STRIP2: variants seen among roughly 807,000 people sequenced by gnomAD.
The protein encoded by STRIP2 is striatin interacting protein 2, also known as striatin-interacting protein 2.
STRIP2 carries 84 observed loss-of-function variants against 107.1 expected under a neutral mutation model. The ratio of observed to expected loss-of-function variants is 0.78; its 90% CI spans 0.66 to 0.94. The LOEUF is 0.94. Ranked by LOEUF, STRIP2 falls within the 40% of genes least tolerant of loss-of-function variation. STRIP2 has a pLI of 0.00. For missense variants in STRIP2, 888 were observed against 1,034.2 expected (o/e 0.86, Z 1.94); for synonymous variants, 394 against 400.4 (o/e 0.98, Z 0.19).
At chr7:129,475,481 C>A (rs1798892647) in intron 18 of STRIP2, among the ~76,000 whole-genome samples, 1 of 147,500 alleles carries the variant, frequency 6.8e-6, no homozygotes, top group South Asian at 2.1e-4. Flanking sequence ...AGGCAGAGGA[C>A]CCTGGGGCCT....
chr7:129,437,544 G>T (rs1021786013), intron 1 of STRIP2, among the ~76,000 whole-genome samples: 2 of 152,042 alleles, frequency 1.3e-5, no homozygotes, highest in Non-Finnish European at 2.9e-5. Flanking sequence ...GTGTGTGTGT[G>T]TGCTGGGACG....
In STRIP2 at chr7:129,451,985, T is replaced by C. The variant is rs560718736; in HGVS notation, c.409+238T>C. 3.3e-4 allele frequency among the ~76,000 whole-genome samples: 51 copies of C among 152,280 alleles called. No homozygotes were observed. The South Asian group carries it at 9.1e-3, about 27-fold the overall frequency. ...TTACCAGGTATGTCAGAATTTTTTATAGGGTTCTTCTTTTCCCTACCCTGT... is the reference window on the plus strand; with the variant it reads ...TTACCAGGTATGTCAGAATTTTTTACAGGGTTCTTCTTTTCCCTACCCTGT... On this transcript the variant is annotated intron_variant, in intron 4 of 20. Coordinates refer to ENST00000249344, the MANE Select transcript of STRIP2 (RefSeq NM_020704.3).
rs1799233992 is a variant in STRIP2, at chr7:129,485,828, G to T, written c.2504G>T (p.Ter835LeuextTer16). Reference sequence around the variant, plus strand: ...TGGGAGGAGCTGCTCCAGAATCACTGACTAAGTTCTTGTCAACAAGCATCA... The same window carrying T: ...TGGGAGGAGCTGCTCCAGAATCACTTACTAAGTTCTTGTCAACAAGCATCA... ...ICWEELLQNH[*>L] The change falls in exon 21 of 21, where the codon TGA becomes TTA. Residue 835 changes from the stop codon to leucine, a stop_lost. Coordinates refer to ENST00000249344, the MANE Select transcript of STRIP2 (RefSeq NM_020704.3). 1 of 1,612,358 alleles carries T rather than the reference G, an allele frequency of 6.2e-7. No homozygotes were observed. The highest frequency in any genetic ancestry group is 8.5e-7 in the Non-Finnish European group (1 of 1,179,916).
In STRIP2 at chr7:129,444,428, A is replaced by C. The variant is rs570896210; in HGVS notation, c.274+330A>C. 2.0e-5 allele frequency among the ~76,000 whole-genome samples: 3 copies of C among 152,298 alleles called. No individual in the cohort carries two copies. In the East Asian group the frequency reaches 5.8e-4, roughly 29 times the overall value. ...AGCACAGGAGAAAGATGTAGGCTGA[A>C]AGGCTAGGCCCATCTCTCCTTTTCA... On this transcript the variant is annotated intron_variant, in intron 3 of 20. Coordinates refer to ENST00000249344, the MANE Select transcript of STRIP2 (RefSeq NM_020704.3).
intron 4 of STRIP2, among the ~76,000 whole-genome samples, chr7:129,452,441 A>G (rs1296209646): frequency 6.6e-6 from 1 of 152,210 alleles, no homozygotes; most frequent in Non-Finnish European, 1.5e-5. Flanking sequence ...AAGGGTGGAC[A>G]TTAGGTGAAG....
At chr7:129,472,776 C>CTTTTTTTTTT (rs1798822125) in intron 18 of STRIP2, among the ~76,000 whole-genome samples, 4 of 78,264 alleles carry the variant, frequency 5.1e-5, no homozygotes, top group African/African-American at 1.9e-4. Context: ...TTTTCTTTTC[C>CTTTTTTTTTT]TTTTTTTTTT....
chr7:129,473,264 C>T (rs958118626), intron 18 of STRIP2, among the ~76,000 whole-genome samples: 1 of 152,142 alleles, frequency 6.6e-6, no homozygotes, highest in Non-Finnish European at 1.5e-5. Flanking sequence ...CATATATAAA[C>T]ACATTAACAA....
intron 19 of STRIP2, among the ~76,000 whole-genome samples, chr7:129,481,717 G>A (rs1799120184): frequency 6.6e-6 from 1 of 152,064 alleles, no homozygotes; most frequent in African/African-American, 2.4e-5. Flanking sequence ...TTTGAGACCA[G>A]CCTGGGCAAC....
chr7:129,460,249 C>A, intron 12 of STRIP2, 52 bp from the exon 13 acceptor site: 1 of 1,516,420 alleles, frequency 6.6e-7, no homozygotes, highest in Non-Finnish European at 9.1e-7. Context: ...GAGACTGGTA[C>A]ACATGTGAAT....
At chr7:129,449,993 G>A (rs917523157) in intron 3 of STRIP2, among the ~76,000 whole-genome samples, 1 of 152,162 alleles carries the variant, frequency 6.6e-6, no homozygotes, top group Admixed American at 6.5e-5. Flanking sequence ...ATTATGTATA[G>A]TCACTAAACT....
Position 129,460,292 on chromosome 7 carries a change from CT to C in STRIP2, c.1405-6del, listed in dbSNP as rs756404232. On this transcript the variant is annotated splice_region_variant and splice_polypyrimidine_tract_variant and intron_variant, in intron 12 of 20. Coordinates refer to ENST00000249344, the MANE Select transcript of STRIP2 (RefSeq NM_020704.3). ...TCAGCCCTTGTTGATGTCTTCTTATCTTTGTCAGCACAAGTATATCTCCATC... is the reference window on the plus strand; with the variant it reads ...TCAGCCCTTGTTGATGTCTTCTTATCTTGTCAGCACAAGTATATCTCCATC... 1 of 1,612,686 alleles carries C rather than the reference CT, an allele frequency of 6.2e-7. No homozygotes were observed. The highest frequency in any genetic ancestry group is 2.2e-5 in the East Asian group (1 of 44,870).
In STRIP2 at chr7:129,458,268, C is replaced by G; in HGVS notation, c.1092C>G (p.Phe364Leu). 6.2e-7 allele frequency: 1 copy of G among 1,614,196 alleles called. No individual in the cohort carries two copies. Among genetic ancestry groups the G allele is most frequent in the African/African-American group, 1.3e-5 (1 of 75,050 alleles). Reference protein sequence around the residue: ...SLDIYNERDLFKTEEPATEEE... With the variant: ...SLDIYNERDLLKTEEPATEEE... The stretch of plus-strand genomic sequence containing the variant: ...ACATCTACAATGAAAGGGATCTCTT[C>G]AAGACTGAGGAGCCCGCCACAGAGG... The change falls in exon 10 of 21, where the codon TTC (phenylalanine) becomes TTG (leucine). Residue 364 changes from phenylalanine (F) to leucine (L), a missense_variant. Coordinates refer to ENST00000249344, the MANE Select transcript of STRIP2 (RefSeq NM_020704.3). This position sits in a 1 kb window ranked among gnomAD's most constrained non-coding sequence, Gnocchi z 4.6.
chr7:129,434,562 G>C lies in STRIP2; in HGVS notation c.90G>C (p.Lys30Asn). 1 of 1,516,662 alleles carries C rather than the reference G, an allele frequency of 6.6e-7. No homozygotes were observed. Among genetic ancestry groups the C allele is most frequent in the Non-Finnish European group, 8.8e-7 (1 of 1,139,028 alleles). The allele number at this position is 1,516,662 out of a possible 1,614,324, so 94.0% of individuals were successfully genotyped here. A position where few individuals can be genotyped will look rare whatever the true frequency, so the allele number is the denominator to read the frequency against. The change falls in exon 1 of 21, where the codon AAG (lysine) becomes AAC (asparagine). Residue 30 changes from lysine (K) to asparagine (N), a missense_variant. Coordinates refer to ENST00000249344, the MANE Select transcript of STRIP2 (RefSeq NM_020704.3). ...GCAAAGGGAAGCAGGCGGCGCCCAA[G>C]GGCCGCGAAGCGTTCCGAAGCCAGC... ...GGGKGKQAAP[K>N]GREAFRSQRR...
chr7:129,435,933 T>C (rs1204328664), intron 1 of STRIP2, among the ~76,000 whole-genome samples: 1 of 152,148 alleles, frequency 6.6e-6, no homozygotes, highest in Non-Finnish European at 1.5e-5. Flanking sequence ...AGGAATCCAT[T>C]CATTTTTTTT....
intron 13 of STRIP2, among the ~76,000 whole-genome samples, chr7:129,462,197 A>G (rs1160215824): frequency 6.6e-6 from 1 of 152,218 alleles, no homozygotes; most frequent in Non-Finnish European, 1.5e-5. Flanking sequence ...ACATGCCAGG[A>G]TTGCCAGGCT....
intron 1 of STRIP2, among the ~76,000 whole-genome samples, chr7:129,438,551 A>C (rs979163334): frequency 6.6e-6 from 1 of 152,180 alleles, no homozygotes; most frequent in South Asian, 2.1e-4. Flanking sequence ...ACAGATGGGA[A>C]AACTGAGCAG....
intron 3 of STRIP2, 115 bp from the exon 4 acceptor site, chr7:129,451,498 T>C (rs1798190922): frequency 7.4e-7 from 1 of 1,349,918 alleles, no homozygotes. Context: ...GGAAAGCTTT[T>C]GGAGAAAATA....
chr7:129,441,681 C>A (rs1304581116), intron 2 of STRIP2, among the ~76,000 whole-genome samples: 1 of 152,252 alleles, frequency 6.6e-6, no homozygotes, highest in Non-Finnish European at 1.5e-5. Context: ...CCACCCCAGC[C>A]TCTCAAGTAG....
chr7:129,467,549 C>G, intron 17 of STRIP2, 99 bp downstream of exon 17: 1 of 755,988 alleles, frequency 1.3e-6, no homozygotes, highest in Middle Eastern at 2.3e-4. Flanking sequence ...TGTCCCTAGT[C>G]CCTCCTGTCT....
Sources: gnomAD v4.1 joint callset for allele counts (sites outside exome capture counted in the v4.1 genomes callset) on GRCh38, gnomAD v4.1.1 for gene constraint, Gnocchi (gnomAD v3.1) non-coding constraint, MANE v1.5 for transcripts, NCBI Gene and HGNC (gene_info 2026-07-23, HGNC 2026-07-21) for gene names.